NUP160: variants seen among roughly 807,000 people sequenced by gnomAD.
NUP160 encodes nuclear pore complex protein Nup160.
NUP160 carries 94 observed loss-of-function variants against 196.9 expected under a neutral mutation model. The observed-to-expected ratio is 0.48, with a 90% confidence interval of 0.40 to 0.57. The LOEUF (loss-of-function observed/expected upper bound fraction) is 0.57. Among genes scored for constraint, NUP160 ranks in the 20% least tolerant of loss-of-function variants. The pLI is 0.00. For synonymous variants in NUP160, 605 were observed against 619.7 expected (o/e 0.98, Z 0.35); for missense variants, 1,638 against 1,748.3 (o/e 0.94, Z 1.13).
rs779243939 is a variant in NUP160 at position 47,809,734 on chromosome 11, C to CAAAAAAAAAAAAA, written c.2242-1218_2242-1206dup. Among the ~76,000 whole-genome samples the CAAAAAAAAAAAAA allele has an allele frequency of 4.2e-5, 2 of 47,906 alleles. 1 individual carries two copies. The allele number at this position is 47,906 out of a possible 152,430, so 31.4% of individuals were successfully genotyped here. A position where few individuals can be genotyped will look rare whatever the true frequency, so the allele number is the denominator to read the frequency against. On this transcript the variant is annotated intron_variant, in intron 17 of 35. Transcript: ENST00000378460. ...AGCCTGGGCTACAGAGCAAGACTCT[C>CAAAAAAAAAAAAA]AAAAAAAAAAAAAAAAAAAAAAAAG...
At chr11:47,835,977 T>C (rs898165098) in intron 6 of NUP160, among the ~76,000 whole-genome samples, 168 bp from the exon 7 acceptor site, 2 of 152,206 alleles carry the variant, frequency 1.3e-5, no homozygotes, top group Non-Finnish European at 2.9e-5. Flanking sequence ...CCGGGCGCAG[T>C]GGCTCACGTC....
chr11:47,820,052 A>C (rs1365146295), intron 9 of NUP160: 1 of 152,448 alleles, frequency 6.6e-6, no homozygotes, highest in Non-Finnish European at 1.5e-5. Flanking sequence ...CTGGAGGGCA[A>C]TCATTCCCAG....
chr11:47,802,016 C>G, intron 22 of NUP160, 86 bp from the exon 23 acceptor site: 1 of 1,308,328 alleles, frequency 7.6e-7, no homozygotes, highest in Non-Finnish European at 1.1e-6. Context: ...TAAGGGAAAG[C>G]CAAAAAAGAA....
intron 6 of NUP160, among the ~76,000 whole-genome samples, chr11:47,836,209 T>C (rs1013864274): frequency 1.3e-5 from 2 of 152,122 alleles, no homozygotes; most frequent in African/African-American, 2.4e-5. Context: ...GACTGCGCCA[T>C]TGCATTCCAG....
intron 34 of NUP160, among the ~76,000 whole-genome samples, chr11:47,781,245 TAAAAA>T (rs1429783439): frequency 1.3e-5 from 2 of 151,592 alleles, no homozygotes; most frequent in African/African-American, 4.8e-5. Flanking sequence ...AAAATAAAAA[TAAAAA>T]ATAATTTCAT....
chr11:47,848,384 G>T, exon 1 of NUP160: 1 of 1,604,744 alleles, frequency 6.2e-7, no homozygotes, highest in Non-Finnish European at 8.5e-7. Flanking sequence ...GTCACTTCCG[G>T]GGGTGGGGCG....
In NUP160 at chr11:47,835,659, GT is replaced by G; in HGVS notation, c.1092del (p.Lys364AsnfsTer11). On this transcript the variant is annotated frameshift_variant, in exon 7 of 36. Transcript: ENST00000378460. LOFTEE classifies it high-confidence loss of function. ...TCTTATTTGTTTCATACCTGTCCTC[GT>G]TTTGGTGCATGCATGTATATCCCCA... 1 of 1,579,854 alleles carries G rather than the reference GT, an allele frequency of 6.3e-7. No individual in the cohort carries two copies. The highest frequency in any genetic ancestry group is 8.6e-7 in the Non-Finnish European group (1 of 1,164,304).
intron 19 of NUP160, chr11:47,806,657 A>ATAATGGTT (rs2097677826): frequency 4.1e-6 from 1 of 246,318 alleles, no homozygotes; most frequent in Non-Finnish European, 7.7e-6. Context: ...ATTCTCCAGA[A>ATAATGGTT]TAATGGTTTT....
At chr11:47,838,590 T>C (rs991414636) in intron 4 of NUP160, among the ~76,000 whole-genome samples, 2 of 151,354 alleles carry the variant, frequency 1.3e-5, no homozygotes, top group African/African-American at 2.4e-5. Flanking sequence ...CACCTGTAAT[T>C]CCAGCTACTT....
chr11:47,798,248 T>C, exon 25 of NUP160: 1 of 1,610,914 alleles, frequency 6.2e-7, no homozygotes, highest in Non-Finnish European at 8.5e-7. Flanking sequence ...TGAAAATACA[T>C]GTCCTTAGAG....
Position 47,784,033 on chromosome 11 carries a change from AAAAAC to A in NUP160, c.3991-840_3991-836del, listed in dbSNP as rs745778729. ...AAAAAAAAACAAAAACAAAAACAAAAAAAACAAAACAAAACAAAACAAAAAAAACC... is the reference window on the plus strand; with the variant it reads ...AAAAAAAAACAAAAACAAAAACAAAAAAAACAAAACAAAACAAAAAAAACC... On this transcript the variant is annotated intron_variant, in intron 33 of 35. Transcript: ENST00000378460. Among the ~76,000 whole-genome samples the A allele has an allele frequency of 1.8e-3, 267 of 152,082 alleles. 1 individual carries two copies. The highest frequency in any genetic ancestry group is 5.6e-3 in the African/African-American group (233 of 41,542).
intron 34 of NUP160, among the ~76,000 whole-genome samples, chr11:47,782,600 T>C (rs2097662075): frequency 6.6e-6 from 1 of 151,684 alleles, no homozygotes; most frequent in Admixed American, 6.6e-5. Context: ...ATTTATTGAA[T>C]ACTGTACTGC....
chr11:47,823,406 T>C (rs1476344447), intron 7 of NUP160, among the ~76,000 whole-genome samples: 1 of 152,214 alleles, frequency 6.6e-6, no homozygotes, highest in African/African-American at 2.4e-5. Flanking sequence ...CTCTATAAAT[T>C]TGACTACTCT....
At chr11:47,798,522 A>G (rs1049975500) in intron 23 of NUP160, 59 bp from the exon 24 acceptor site, 1 of 955,130 alleles carries the variant, frequency 1.0e-6, no homozygotes, top group South Asian at 1.4e-5. Flanking sequence ...CTTCAAACTC[A>G]ATTATGGTTT....
chr11:47,793,089 C>G, intron 27 of NUP160, 143 bp from the exon 28 acceptor site: 1 of 569,358 alleles, frequency 1.8e-6, no homozygotes, highest in Non-Finnish European at 3.0e-6. Context: ...CTGGTTCAAG[C>G]GATTCTCCTG....
At chr11:47,826,937 T>C in intron 7 of NUP160, 1 of 424,258 alleles carries the variant, frequency 2.4e-6, no homozygotes, top group East Asian at 7.1e-5. Flanking sequence ...TGATGCAAAA[T>C]CAGTGGTGGG....
intron 31 of NUP160, among the ~76,000 whole-genome samples, chr11:47,787,353 G>A (rs1450067442): frequency 6.6e-6 from 1 of 151,630 alleles, no homozygotes; most frequent in African/African-American, 2.4e-5. Context: ...CTCCCAACGT[G>A]ATGGCATTAC....
rs2097668579 is a variant in NUP160, at chr11:47,792,775, T to C, written c.3450+11A>G. On this transcript the variant is annotated intron_variant, in intron 28 of 35. Transcript: ENST00000378460. ...TGAACCCCCAAATTCCAGGATGAAA[T>C]GTTTTCATACCACTGCACCAGACAC... 6.3e-7 allele frequency: 1 copy of C among 1,581,144 alleles called. No individual in the cohort carries two copies. Among genetic ancestry groups the C allele is most frequent in the Non-Finnish European group, 8.6e-7 (1 of 1,163,686 alleles).
intron 6 of NUP160, among the ~76,000 whole-genome samples, chr11:47,836,043 T>C (rs1019751965): frequency 1.2e-4 from 19 of 152,264 alleles, no homozygotes; most frequent in African/African-American, 4.6e-4. Flanking sequence ...GGTCAGGAGT[T>C]CGAGACCAGC....
Sources: gnomAD v4.1 joint callset for allele counts (sites outside exome capture counted in the v4.1 genomes callset) on GRCh38, gnomAD v4.1.1 for gene constraint, MANE v1.5 for transcripts, NCBI Gene and HGNC (gene_info 2026-07-23, HGNC 2026-07-21) for gene names.